SERPINB8: variants seen among roughly 807,000 people sequenced by gnomAD.
SERPINB8 encodes serpin family B member 8.
In SERPINB8, 25 loss-of-function variants were observed where a neutral mutation model predicts 35.3. The ratio of observed to expected loss-of-function variants is 0.71; its 90% CI spans 0.52 to 0.99. The LOEUF is 0.99. Ranked by LOEUF, SERPINB8 falls within the 50% of genes least tolerant of loss-of-function variation. The probability of loss-of-function intolerance (pLI) is 0.00; values close to 1 mark genes in which losing one functional copy is unlikely to be tolerated. For missense variants in SERPINB8, 484 were observed against 446.5 expected (o/e 1.08, Z -0.76); for synonymous variants, 186 against 160.8 (o/e 1.16, Z -1.19).
chr18:64,004,655 AT>A (rs781106503), intron 1 of SERPINB8, among the ~76,000 whole-genome samples: 2 of 152,150 alleles, frequency 1.3e-5, no homozygotes, highest in Non-Finnish European at 2.9e-5. Flanking sequence ...AAGCTTGCTG[AT>A]TTTTATTTAT....
In SERPINB8 at chr18:63,999,929, G is replaced by A. The variant is rs76828108; in HGVS notation, c.71-4890G>A. On this transcript the variant is annotated intron_variant, in intron 1 of 1. Transcript: ENST00000493661. ...TCCCACTGCTCAGGTCCCTCAGTGA[G>A]AAAAGGTTGTGCACCTGTCTCTTAC... Among the ~76,000 whole-genome samples the A allele has an allele frequency of 8.3e-3, 1,263 of 152,314 alleles. 15 individuals are homozygous for A. Among genetic ancestry groups the A allele is most frequent in the Non-Finnish European group, 8.9e-3 (603 of 68,014 alleles).
At chr18:63,979,746 T>C in intron 2 of SERPINB8, 55 bp from the exon 3 acceptor site, 3 of 1,604,328 alleles carry the variant, frequency 1.9e-6, no homozygotes, top group Non-Finnish European at 2.6e-6. Flanking sequence ...TGGAGAAAGC[T>C]CTTTGGGAGA....
Position 63,987,224 on chromosome 18 carries a change from C to T in SERPINB8, c.1071C>T (p.Ile357=). The T allele has an allele frequency of 6.2e-7, 1 of 1,614,176 alleles. No homozygotes were observed. Among genetic ancestry groups the T allele is most frequent in the Non-Finnish European group, 8.5e-7 (1 of 1,180,018 alleles). The change falls in exon 7 of 7, where the codon ATC becomes ATT. Residue 357 remains isoleucine (I), a synonymous_variant. Transcript: ENST00000397985. Reference sequence around the variant, plus strand: ...CAGACCACCCTTTTCTTTTCTTCATCAGGCACCACAAAACCAACTGCATCT... The same window carrying T: ...CAGACCACCCTTTTCTTTTCTTCATTAGGCACCACAAAACCAACTGCATCT... ...FCADHPFLFF[I]RHHKTNCILF...
intron 7 of SERPINB8, among the ~76,000 whole-genome samples, chr18:64,014,011 A>G (rs1021120124): frequency 1.3e-5 from 2 of 152,222 alleles, no homozygotes; most frequent in Non-Finnish European, 2.9e-5. Context: ...TTTTGAGTTC[A>G]GGAGAGAAAC....
chr18:64,006,903 T>A (rs1340785084), downstream of SERPINB8, among the ~76,000 whole-genome samples: 1 of 152,048 alleles, frequency 6.6e-6, no homozygotes, highest in Non-Finnish European at 1.5e-5. Context: ...GAAAAAAACC[T>A]ATGCATCCAA....
chr18:63,985,138 A>G lies in SERPINB8; in HGVS notation c.613A>G (p.Met205Val), dbSNP rs1184494058. 1.2e-6 allele frequency: 2 copies of G among 1,614,102 alleles called. No individual in the cohort carries two copies. Among genetic ancestry groups the G allele is most frequent in the Middle Eastern group, 1.6e-4 (1 of 6,084 alleles). Reference sequence around the variant, plus strand: ...GATGTTTAAGGAAGCTAAGTTTAAAATGGGGTATGCGGATGAGGTACACAC... The same window carrying G: ...GATGTTTAAGGAAGCTAAGTTTAAAGTGGGGTATGCGGATGAGGTACACAC... ...QMMFKEAKFK[M>V]GYADEVHTQV... The change falls in exon 6 of 7, where the codon ATG becomes GTG. Residue 205 changes from methionine (M) to valine (V), a missense_variant. Physicochemically the swap from Met to Val is conservative, Grantham distance 21. Coordinates refer to ENST00000397985, the MANE Select transcript of SERPINB8 (RefSeq NM_002640.4).
In SERPINB8 at chr18:63,979,008, C is replaced by T. The variant is rs2072591; in HGVS notation, c.168+532C>T. On this transcript the variant is annotated intron_variant, in intron 2 of 6. Transcript: ENST00000397985. ...GGTGATGTATGACCTTATCTACAAACGAGGTGTGGGATAATGCTTTAGGAA... is the reference window on the plus strand; with the variant it reads ...GGTGATGTATGACCTTATCTACAAATGAGGTGTGGGATAATGCTTTAGGAA... 7.5e-3 allele frequency among the ~76,000 whole-genome samples: 1,135 copies of T among 152,240 alleles called. 41 individuals carry two copies. In the East Asian group the frequency reaches 0.092, roughly 12 times the overall value.
At chr18:64,006,279 C>A (rs1167701408), downstream of SERPINB8, among the ~76,000 whole-genome samples, 1 of 152,152 alleles carries the variant, frequency 6.6e-6, no homozygotes, top group Non-Finnish European at 1.5e-5. Context: ...TAGGTATATT[C>A]TGTGGCCAAG....
intron 7 of SERPINB8, among the ~76,000 whole-genome samples, chr18:64,013,198 A>G (rs534043712): frequency 3.3e-5 from 5 of 151,152 alleles, no homozygotes; most frequent in African/African-American, 1.2e-4. Context: ...CGCTCCAGTC[A>G]GTGTCCACTG....
chr18:64,015,114 A>C (rs532788442), intron 7 of SERPINB8, among the ~76,000 whole-genome samples: 1 of 152,278 alleles, frequency 6.6e-6, no homozygotes, highest in African/African-American at 2.4e-5. Context: ...ATAATGGGCA[A>C]AAAGTTTTTG....
At chr18:63,994,218 G>T (rs944341627), downstream of SERPINB8, among the ~76,000 whole-genome samples, 1 of 152,030 alleles carries the variant, frequency 6.6e-6, no homozygotes, top group East Asian at 1.9e-4. Context: ...CATGTCCTGG[G>T]TAGCCTCTTC....
At position 63,987,868 on chromosome 18, in the gene SERPINB8, C is replaced by T. The variant is rs1379991662; in HGVS notation, c.*590C>T. The T allele has an allele frequency of 6.6e-6, 1 of 152,498 alleles. No individual in the cohort carries two copies. Among genetic ancestry groups the T allele is most frequent in the East Asian group, 1.9e-4 (1 of 5,194 alleles). The allele number at this position is 152,498 out of a possible 1,614,324, so 9.4% of individuals were successfully genotyped here. The stretch of plus-strand genomic sequence containing the variant: ...ACAAGTTCAGGGACTCAGCAATGCA[C>T]TTTAGGACTGAGCTAGGAGGCAAAT... On this transcript the variant is annotated 3_prime_UTR_variant, in exon 7 of 7. Transcript: ENST00000397985.
intron 1 of SERPINB8, among the ~76,000 whole-genome samples, chr18:64,003,774 C>T (rs1201216280): frequency 6.6e-6 from 1 of 152,086 alleles, no homozygotes; most frequent in Non-Finnish European, 1.5e-5. Context: ...TTTCCTCTTA[C>T]TCAGACATTT....
At chr18:63,989,958 A>C (rs1395152000), downstream of SERPINB8, among the ~76,000 whole-genome samples, 1 of 149,216 alleles carries the variant, frequency 6.7e-6, no homozygotes, top group East Asian at 1.9e-4. Flanking sequence ...AAAAAAAAAA[A>C]AAAAAAAAAA....
chr18:64,005,609 T>A (rs866211913), exon 2 of SERPINB8: 1 of 152,212 alleles, frequency 6.6e-6, no homozygotes, highest in Non-Finnish European at 1.5e-5. Context: ...GTACTTTGAT[T>A]TTGGACTTCC....
intron 1 of SERPINB8, among the ~76,000 whole-genome samples, chr18:63,973,752 T>C (rs1227143774): frequency 2.0e-5 from 3 of 152,210 alleles, no homozygotes; most frequent in Non-Finnish European, 2.9e-5. Context: ...GAATCCGTTC[T>C]CCATTTCTTG....
At chr18:64,009,499 A>G (rs1420300441), downstream of SERPINB8, among the ~76,000 whole-genome samples, 1 of 152,244 alleles carries the variant, frequency 6.6e-6, no homozygotes, top group African/African-American at 2.4e-5. Flanking sequence ...CAAACAGATC[A>G]ATGGCACAGA....
chr18:63,996,178 A>G (rs1260745110), intron 1 of SERPINB8, among the ~76,000 whole-genome samples: 1 of 152,174 alleles, frequency 6.6e-6, no homozygotes, highest in Non-Finnish European at 1.5e-5. Context: ...GCTTTTTCAA[A>G]ATAAACCATA....
intron 1 of SERPINB8, among the ~76,000 whole-genome samples, chr18:64,003,739 C>A (rs1020472100): frequency 3.9e-5 from 6 of 152,074 alleles, no homozygotes; most frequent in African/African-American, 1.4e-4. Context: ...ACTGATGCTC[C>A]AATTCCAGTG....
Sources: allele counts gnomAD v4.1 joint callset (sites outside exome capture counted in the v4.1 genomes callset), GRCh38; gene constraint gnomAD v4.1.1; transcripts MANE v1.5; gene names NCBI Gene and HGNC (gene_info 2026-07-23, HGNC 2026-07-21).